Variants in UNC13C observed in about 807,000 individuals in gnomAD.
UNC13C encodes protein unc-13 homolog C.
A neutral mutation model predicts 245.4 loss-of-function variants in UNC13C; 174 were observed. That is an observed-to-expected ratio of 0.71 (90% CI 0.63 to 0.80). UNC13C has a LOEUF of 0.80. UNC13C is among the 30% of genes least tolerant of loss of function. The pLI, the probability that UNC13C is intolerant of heterozygous loss-of-function variation, is 0.00. For missense variants in UNC13C, 2,829 were observed against 2,602.9 expected (o/e 1.09, Z -1.89); for synonymous variants, 992 against 895.1 (o/e 1.11, Z -1.93).
chr15:54,381,350 G>C (rs1031796058), intron 17 of UNC13C, among the ~76,000 whole-genome samples: 14 of 151,996 alleles, frequency 9.2e-5, no homozygotes, highest in Non-Finnish European at 1.9e-4. Context: ...TGGTTACTAT[G>C]GCTTTGTAGT....
intron 10 of UNC13C, among the ~76,000 whole-genome samples, chr15:54,290,707 C>G (rs1344171524): frequency 6.6e-6 from 1 of 152,016 alleles, no homozygotes; most frequent in Non-Finnish European, 1.5e-5. Context: ...CTTAATACAC[C>G]TTTACCTTGC....
At chr15:54,530,840 G>A (rs763308399) in intron 25 of UNC13C, among the ~76,000 whole-genome samples, 2 of 152,116 alleles carry the variant, frequency 1.3e-5, no homozygotes, top group Non-Finnish European at 2.9e-5. Context: ...CAGTGAGATT[G>A]CCAGCGCCAG....
chr15:54,310,760 A>G (rs1596194333), intron 13 of UNC13C, among the ~76,000 whole-genome samples: 2 of 123,474 alleles, frequency 1.6e-5, no homozygotes, highest in Admixed American at 1.8e-4. Context: ...ATCTATATCT[A>G]TATCTATATC....
intron 2 of UNC13C, among the ~76,000 whole-genome samples, chr15:54,083,187 G>A (rs1899048017): frequency 6.6e-6 from 1 of 152,094 alleles, no homozygotes; most frequent in African/African-American, 2.4e-5. Flanking sequence ...GAGCAGCCAG[G>A]AACACGATTC....
chr15:54,087,816 A>C (rs1038720944), intron 2 of UNC13C, among the ~76,000 whole-genome samples: 4 of 152,190 alleles, frequency 2.6e-5, no homozygotes, highest in African/African-American at 4.8e-5. Flanking sequence ...CAGTTACCAA[A>C]GTTTTTGTCT....
chr15:54,594,162 GTC>G (rs1477664017), intron 30 of UNC13C, among the ~76,000 whole-genome samples: 1 of 152,186 alleles, frequency 6.6e-6, no homozygotes, highest in Non-Finnish European at 1.5e-5. Context: ...TCTGCACAGA[GTC>G]TTGTGGTGTG....
At chr15:54,191,681 G>T (rs139207645) in intron 4 of UNC13C, among the ~76,000 whole-genome samples, 2 of 152,076 alleles carry the variant, frequency 1.3e-5, no homozygotes, top group Non-Finnish European at 1.5e-5. Flanking sequence ...GTGTAAAAGC[G>T]TTCCTATTTC....
At position 54,067,144 on chromosome 15, in the gene UNC13C, G is replaced by GT. The variant is rs767895878; in HGVS notation, c.2983+51265dup. On this transcript the variant is annotated intron_variant, in intron 2 of 32. Transcript: ENST00000260323. ...GTTTGGTTCGATTTGATGACTGACTGTTTTTTTAATCTTGGTTGAAGATTC... is the reference window on the plus strand; with the variant it reads ...GTTTGGTTCGATTTGATGACTGACTGTTTTTTTTAATCTTGGTTGAAGATTC... Among the ~76,000 whole-genome samples the GT allele has an allele frequency of 9.9e-5, 15 of 152,014 alleles. No individual in the cohort carries two copies. In the East Asian group the frequency reaches 2.1e-3, roughly 22 times the overall value.
chr15:54,602,220 A>C (rs183844242), intron 30 of UNC13C, among the ~76,000 whole-genome samples: 31 of 152,336 alleles, frequency 2.0e-4, no homozygotes, highest in Admixed American at 5.2e-4. Flanking sequence ...GTAGAAGGGG[A>C]TAACTTTATT....
In UNC13C at chr15:54,237,710, C is replaced by A; in HGVS notation, c.3228+20C>A. 1 of 1,552,506 alleles carries A rather than the reference C, an allele frequency of 6.4e-7. No individual in the cohort carries two copies. Among genetic ancestry groups the A allele is most frequent in the Non-Finnish European group, 8.9e-7 (1 of 1,129,662 alleles). On this transcript the variant is annotated intron_variant, in intron 7 of 32. Coordinates refer to ENST00000260323, the MANE Select transcript of UNC13C (RefSeq NM_001080534.3). ...GAACTGGTAAGTACTAGATATTGCT[C>A]ATAATATCTAACTAGATATTGCTCA...
the UNC13C span, among the ~76,000 whole-genome samples, chr15:53,851,934 G>T: frequency 1.3e-5 from 2 of 152,152 alleles, no homozygotes; most frequent in South Asian, 2.1e-4. Context: ...GTGTCCTTTT[G>T]TCCTTTGTAA....
intron 12 of UNC13C, among the ~76,000 whole-genome samples, chr15:54,299,369 T>G (rs1408885135): frequency 6.6e-6 from 1 of 152,204 alleles, no homozygotes. Context: ...CTCGATTCAT[T>G]GCCCTGACTC....
chr15:54,544,586 A>G (rs1896403944), intron 26 of UNC13C, among the ~76,000 whole-genome samples: 1 of 152,230 alleles, frequency 6.6e-6, no homozygotes, highest in Non-Finnish European at 1.5e-5. Context: ...GCTGATAAGA[A>G]CCTTAAGCAA....
At chr15:54,250,761 T>TC (rs2036129396) in intron 8 of UNC13C, among the ~76,000 whole-genome samples, 94 of 63,060 alleles carry the variant, frequency 1.5e-3, no homozygotes, top group African/African-American at 5.6e-3. Flanking sequence ...TTTTTTTTTT[T>TC]TTTTTTTTTT....
At chr15:54,092,644 G>T (rs929021044) in intron 2 of UNC13C, among the ~76,000 whole-genome samples, 1 of 152,134 alleles carries the variant, frequency 6.6e-6, no homozygotes, top group Admixed American at 6.5e-5. Context: ...AGTTTGAAGA[G>T]AAATACTTAA....
the UNC13C span, among the ~76,000 whole-genome samples, chr15:53,865,116 T>C: frequency 5.9e-5 from 9 of 152,318 alleles, no homozygotes; most frequent in East Asian, 1.7e-3. Flanking sequence ...ATTTGTACTA[T>C]TTTTTATTTT....
At chr15:54,130,320 T>G (rs2031333686) in intron 2 of UNC13C, among the ~76,000 whole-genome samples, 2 of 107,074 alleles carry the variant, frequency 1.9e-5, no homozygotes, top group African/African-American at 3.6e-5. Flanking sequence ...TGAGACGGAG[T>G]CTCAGTCTGT....
At chr15:53,995,406 T>C (rs1259305633) in intron 1 of UNC13C, among the ~76,000 whole-genome samples, 1 of 152,108 alleles carries the variant, frequency 6.6e-6, no homozygotes, top group Non-Finnish European at 1.5e-5. Flanking sequence ...AGCCCCTCCC[T>C]CTGGGGCCAT....
At chr15:54,415,134 C>A in intron 19 of UNC13C, 67 bp downstream of exon 19, 3 of 1,194,864 alleles carry the variant, frequency 2.5e-6, no homozygotes, top group Admixed American at 2.2e-5. Flanking sequence ...GTGTTCTTGG[C>A]TTTAAATGTT....
Sources: allele counts gnomAD v4.1 joint callset (sites outside exome capture counted in the v4.1 genomes callset), GRCh38; gene constraint gnomAD v4.1.1; transcripts MANE v1.5; gene names NCBI Gene and HGNC (gene_info 2026-07-23, HGNC 2026-07-21).